LMO7: variants seen among roughly 807,000 people sequenced by gnomAD.
The protein encoded by LMO7 is LIM domain only protein 7.
Under a neutral mutation model 206.5 loss-of-function variants are expected in LMO7, and 120 were observed. The ratio of observed to expected loss-of-function variants is 0.58; its 90% CI spans 0.50 to 0.68. The LOEUF (loss-of-function observed/expected upper bound fraction) is 0.68. LMO7 is among the 30% of genes least tolerant of loss of function. The pLI, the probability that LMO7 is intolerant of heterozygous loss-of-function variation, is 0.00. For missense variants in LMO7, 1,959 were observed against 1,957.9 expected, an observed-to-expected ratio of 1.00 and a Z score of -0.01; for synonymous variants, 706 against 681.5, an observed-to-expected ratio of 1.04 and a Z score of -0.56.
chr13:75,802,307 G>A (rs183170815), intron 7 of LMO7, among the ~76,000 whole-genome samples: 23 of 152,272 alleles, frequency 1.5e-4, no homozygotes, highest in African/African-American at 5.5e-4. Context: ...TTGCTGTCAA[G>A]GTGTGACATT....
chr13:75,817,132 C>G, intron 11 of LMO7, 29 bp from the exon 12 acceptor site: 1 of 1,519,374 alleles, frequency 6.6e-7, no homozygotes, highest in African/African-American at 1.4e-5. Flanking sequence ...TGTGAACTTC[C>G]GTAGTAACCA....
intron 1 of LMO7, among the ~76,000 whole-genome samples, chr13:75,678,581 G>A (rs1287810572): frequency 6.6e-6 from 1 of 152,164 alleles, no homozygotes; most frequent in Non-Finnish European, 1.5e-5. Context: ...CAGAGCAGGT[G>A]CCTTTTCTGG....
intron 2 of LMO7, among the ~76,000 whole-genome samples, chr13:75,626,547 A>ACC (rs1382126113): frequency 1.5e-5 from 2 of 137,668 alleles, no homozygotes; most frequent in Non-Finnish European, 3.1e-5. Flanking sequence ...ACACAGCCAA[A>ACC]CCATATTGTC....
chr13:75,718,748 A>G (rs2043770370), intron 2 of LMO7, among the ~76,000 whole-genome samples: 1 of 152,136 alleles, frequency 6.6e-6, no homozygotes, highest in South Asian at 2.1e-4. Flanking sequence ...TTATAGTATC[A>G]TCCAGAATTG....
intron 2 of LMO7, 100 bp downstream of exon 2, chr13:75,713,352 G>T: frequency 1.4e-6 from 1 of 720,244 alleles, no homozygotes; most frequent in Non-Finnish European, 2.3e-6. Context: ...CGTAGTCACA[G>T]ATATGTGTTC....
chr13:75,846,778 C>A (rs767781137), intron 26 of LMO7, among the ~76,000 whole-genome samples: 3 of 152,110 alleles, frequency 2.0e-5, no homozygotes, highest in Non-Finnish European at 2.9e-5. Flanking sequence ...CTTGGTTATA[C>A]CAAAATGACA....
intron 4 of LMO7, among the ~76,000 whole-genome samples, chr13:75,778,243 A>AT (rs1049589265): frequency 4.6e-5 from 7 of 151,248 alleles, no homozygotes; most frequent in African/African-American, 7.3e-5. Flanking sequence ...ATTTATTTAT[A>AT]TTTTTTTGAG....
In LMO7 at chr13:75,821,260, C is replaced by G. The variant is rs368766176; in HGVS notation, c.2291C>G (p.Pro764Arg). 67 of 1,613,610 alleles carry G rather than the reference C, an allele frequency of 4.2e-5. No individual in the cohort carries two copies. Among genetic ancestry groups the G allele is most frequent in the Middle Eastern group, 1.6e-4 (1 of 6,084 alleles). ...GATGTGCTGGAGGAAGGAAAGCGAC[C>G]CCCTACAATGACTGTGTCAGAAGCA... ...FDDVLEEGKR[P>R]PTMTVSEASY... The change falls in exon 14 of 31, where the codon CCC becomes CGC. Residue 764 changes from proline (P) to arginine (R), a missense_variant. By Grantham distance (103) the Pro-to-Arg change is moderately radical (BLOSUM62 -2). Coordinates refer to ENST00000377534, the MANE Select transcript of LMO7 (RefSeq NM_001306080.2).
At chr13:75,821,704 A>T in intron 14 of LMO7, 95 bp downstream of exon 14, 1 of 733,682 alleles carries the variant, frequency 1.4e-6, no homozygotes, top group East Asian at 2.7e-5. Flanking sequence ...TGATGTGTAA[A>T]CTGTACATAA....
intron 4 of LMO7, among the ~76,000 whole-genome samples, chr13:75,766,532 G>A (rs913861005): frequency 1.8e-5 from 2 of 111,398 alleles, no homozygotes; most frequent in African/African-American, 3.5e-5. Flanking sequence ...AGATAAGATG[G>A]AGACCTGCCC....
At chr13:75,841,525 C>T (rs907179143) in intron 23 of LMO7, 103 bp from the exon 24 acceptor site, 1 of 831,254 alleles carries the variant, frequency 1.2e-6, no homozygotes, top group Admixed American at 2.8e-5. Flanking sequence ...GAGTCCTGGG[C>T]CAACTATAGT....
chr13:75,753,613 A>C (rs2047448819), intron 3 of LMO7, among the ~76,000 whole-genome samples: 1 of 152,050 alleles, frequency 6.6e-6, no homozygotes, highest in African/African-American at 2.4e-5. Context: ...CCCCCATGCT[A>C]TTCTTGTGCT....
chr13:75,770,707 C>T (rs2049524575), intron 4 of LMO7, among the ~76,000 whole-genome samples: 1 of 152,032 alleles, frequency 6.6e-6, no homozygotes, highest in South Asian at 2.1e-4. Flanking sequence ...ATATTCCTGT[C>T]ACTATGATGC....
intron 27 of LMO7, among the ~76,000 whole-genome samples, chr13:75,849,868 T>A (rs1486228484): frequency 6.6e-6 from 1 of 152,212 alleles, no homozygotes; most frequent in Non-Finnish European, 1.5e-5. Flanking sequence ...TATTTTCTTA[T>A]CTGACAGACT....
intron 5 of LMO7, 99 bp downstream of exon 5, chr13:75,795,530 C>T (rs531971803): frequency 8.6e-6 from 7 of 811,240 alleles, no homozygotes; most frequent in African/African-American, 7.1e-5. Context: ...CATCTCTTTT[C>T]TAATTAATTT....
chr13:75,814,229 T>C (rs1185429945), intron 11 of LMO7, among the ~76,000 whole-genome samples: 1 of 152,220 alleles, frequency 6.6e-6, no homozygotes, highest in Non-Finnish European at 1.5e-5. Flanking sequence ...ATTAGAAACA[T>C]TTTAAGTATA....
At chr13:75,786,114 A>G (rs1052173721) in intron 4 of LMO7, among the ~76,000 whole-genome samples, 2 of 152,100 alleles carry the variant, frequency 1.3e-5, no homozygotes, top group Non-Finnish European at 2.9e-5. Context: ...CATCTGCTCC[A>G]CCTCTCGATA....
intron 1 of LMO7, among the ~76,000 whole-genome samples, chr13:75,638,685 G>A (rs944263104): frequency 2.6e-5 from 4 of 152,124 alleles, no homozygotes; most frequent in African/African-American, 9.7e-5. Flanking sequence ...AATGACCACA[G>A]TGTGCTCACT....
chr13:75,786,417 C>G (rs554740892), intron 4 of LMO7, among the ~76,000 whole-genome samples: 9 of 149,496 alleles, frequency 6.0e-5, no homozygotes, highest in Admixed American at 5.3e-4. Flanking sequence ...CTCTGTTGCT[C>G]AGGCTGGAGT....
Sources: allele counts gnomAD v4.1 joint callset (sites outside exome capture counted in the v4.1 genomes callset), GRCh38; gene constraint gnomAD v4.1.1; transcripts MANE v1.5; gene names NCBI Gene and HGNC (gene_info 2026-07-23, HGNC 2026-07-21).